The following PTPRS variants were observed in gnomAD, a reference collection of about 807,000 sequenced individuals.
PTPRS encodes the protein receptor-type tyrosine-protein phosphatase S.
In PTPRS, 63 loss-of-function variants were observed where a neutral mutation model predicts 215.3. The ratio of observed to expected loss-of-function variants is 0.29; its 90% confidence interval spans 0.24 to 0.36. The LOEUF is 0.36. Among genes scored for constraint, PTPRS ranks in the 10% least tolerant of loss-of-function variants. The pLI is 1.00. For missense variants in PTPRS, 2,258 were observed against 2,825.8 expected (o/e 0.80, Z 4.56); for synonymous variants, 1,404 against 1,191.4 (o/e 1.18, Z -3.68).
At chr19:5,332,184 G>A (rs1346253146) in intron 1 of PTPRS, among the ~76,000 whole-genome samples, 3 of 151,766 alleles carry the variant, frequency 2.0e-5, no homozygotes, top group Non-Finnish European at 2.9e-5. Context: ...TGGAGTGCAA[G>A]TGGCATGATC....
At chr19:5,220,187 T>C (rs1431927011) in intron 21 of PTPRS, 33 bp from the exon 22 acceptor site, 2 of 1,608,892 alleles carry the variant, frequency 1.2e-6, no homozygotes, top group African/African-American at 2.7e-5. Flanking sequence ...GGCTCAGAGC[T>C]CAGCTGGGAG....
intron 6 of PTPRS, 124 bp from the exon 7 acceptor site, chr19:5,260,946 C>T (rs1300956572): frequency 1.4e-5 from 16 of 1,169,304 alleles, no homozygotes; most frequent in Middle Eastern, 2.1e-4. Flanking sequence ...GGGAGGGGAT[C>T]GAGCCAGCCC....
Position 5,222,920 on chromosome 19 carries a change from G to A in PTPRS, c.2872C>T (p.Arg958Cys), listed in dbSNP as rs760578565. The change falls in exon 18 of 38, where the codon CGC (arginine) becomes TGC (cysteine). Residue 958 changes from arginine (R) to cysteine (C), a missense_variant. By Grantham distance (180) the Arg-to-Cys change is radical. This residue lies in a region of PTPRS where 361 missense variants were observed against 332.6 expected (regional missense o/e 1.09). Transcript: ENST00000262963. ...LRWLPPVPAE[R>C]NGAIVKYTVA... is the part of the protein sequence containing the mutation. ...GTGTATTTGACGATGGCCCCGTTGC[G>A]CTCGGCGGGCACGGGTGGCAGCCAG... The A allele has an allele frequency of 2.8e-5, 44 of 1,563,480 alleles. No individual in the cohort carries two copies. Among genetic ancestry groups the A allele is most frequent in the Non-Finnish European group, 3.7e-5 (43 of 1,162,132 alleles).
intron 4 of PTPRS, among the ~76,000 whole-genome samples, chr19:5,272,593 CTCAAAAAAAAAAAAAAAA>C (rs1568535521): frequency 1.9e-5 from 1 of 52,296 alleles, no homozygotes. Flanking sequence ...GCAAGACTGT[CTCAAAAAAAAAAAAAAAA>C]AAAAAAAAAA....
At chr19:5,278,250 G>A (rs750889834) in intron 2 of PTPRS, 2 of 381,334 alleles carry the variant, frequency 5.2e-6, no homozygotes, top group Non-Finnish European at 9.7e-6. Context: ...ACAGGGACTC[G>A]CTCTTCTGCC....
intron 9 of PTPRS, among the ~76,000 whole-genome samples, chr19:5,246,437 C>T (rs923791497): frequency 6.6e-6 from 1 of 152,192 alleles, no homozygotes; most frequent in African/African-American, 2.4e-5. Flanking sequence ...AGCACAGATA[C>T]GAACACAAAA....
At chr19:5,269,368 G>C (rs557694606) in intron 4 of PTPRS, among the ~76,000 whole-genome samples, 1 of 151,922 alleles carries the variant, frequency 6.6e-6, no homozygotes, top group Non-Finnish European at 1.5e-5. Context: ...CCAGTTCCTC[G>C]GAGTTTAATT....
At chr19:5,243,402 C>T (rs2044214980) in intron 11 of PTPRS, among the ~76,000 whole-genome samples, 1 of 152,214 alleles carries the variant, frequency 6.6e-6, no homozygotes, top group African/African-American at 2.4e-5. Flanking sequence ...TCCCAAAATG[C>T]TGGGGTTACA....
intron 11 of PTPRS, among the ~76,000 whole-genome samples, chr19:5,242,428 G>A (rs2044119890): frequency 6.6e-6 from 1 of 151,652 alleles, no homozygotes; most frequent in African/African-American, 2.4e-5. Context: ...CCAGGCTGGA[G>A]GGCAGTGGTG....
intron 4 of PTPRS, among the ~76,000 whole-genome samples, chr19:5,271,736 T>C (rs916043567): frequency 2.0e-5 from 3 of 150,992 alleles, no homozygotes; most frequent in African/African-American, 4.9e-5. Flanking sequence ...TTCATTCATT[T>C]ATTTTGAGAC....
chr19:5,224,297 T>C (rs2042278695), intron 17 of PTPRS, among the ~76,000 whole-genome samples: 2 of 152,074 alleles, frequency 1.3e-5, no homozygotes, highest in South Asian at 2.1e-4. Context: ...GAACGGCCCA[T>C]GCAAAGGTGT....
At chr19:5,274,590 C>G (rs1046586642) in intron 2 of PTPRS, among the ~76,000 whole-genome samples, 1 of 150,216 alleles carries the variant, frequency 6.7e-6, no homozygotes, top group African/African-American at 2.5e-5. Flanking sequence ...CACCTGCTCA[C>G]ACACAGTGGA....
chr19:5,285,827 T>G (rs2048306753), intron 2 of PTPRS, among the ~76,000 whole-genome samples: 1 of 152,182 alleles, frequency 6.6e-6, no homozygotes, highest in Non-Finnish European at 1.5e-5. Flanking sequence ...ATCATTACGG[T>G]TATTACTTTA....
intron 1 of PTPRS, among the ~76,000 whole-genome samples, chr19:5,331,819 C>A (rs2050335548): frequency 6.6e-6 from 1 of 152,188 alleles, no homozygotes; most frequent in Non-Finnish European, 1.5e-5. Context: ...TAATTTAAGT[C>A]AAGTTTATCA....
rs1185378836 is a variant in PTPRS at position 5,237,409 on chromosome 19, C to T, written c.1849+1510G>A. On this transcript the variant is annotated intron_variant, in intron 13 of 37. Transcript: ENST00000262963. This position sits in a 1 kb window ranked among gnomAD's most constrained non-coding sequence, Gnocchi z 4.2. ...CCCAACTCCCTGTCCTGGGCCGCCC[C>T]GGAGGTTCGCGTGGCTGGGCCGAAG... 1.3e-5 allele frequency among the ~76,000 whole-genome samples: 2 copies of T among 152,242 alleles called. No individual in the cohort carries two copies. The highest frequency in any genetic ancestry group is 2.4e-5 in the African/African-American group (1 of 41,470).
intron 17 of PTPRS, among the ~76,000 whole-genome samples, chr19:5,225,456 G>A (rs1024222885): frequency 2.6e-5 from 4 of 152,038 alleles, no homozygotes; most frequent in Admixed American, 2.0e-4. Context: ...AGGTTGAGAG[G>A]GCAAAGGGGT....
chr19:5,210,053 C>T lies in PTPRS; in HGVS notation c.5487+416G>A, dbSNP rs866441981. 6.6e-6 allele frequency among the ~76,000 whole-genome samples: 1 copy of T among 152,252 alleles called. No individual in the cohort carries two copies. Among genetic ancestry groups the T allele is most frequent in the Middle Eastern group, 3.4e-3 (1 of 294 alleles). ...CTGACACTGCAGTCCTTCATTGAGC[C>T]AACACCATCCATACTCATCTCTCCT... On this transcript the variant is annotated intron_variant, in intron 35 of 37. Coordinates refer to ENST00000262963, the MANE Select transcript of PTPRS (RefSeq NM_002850.4). This position sits in a 1 kb window ranked among gnomAD's most constrained non-coding sequence, Gnocchi z 4.5.
chr19:5,262,009 A>G (rs2046033162), intron 6 of PTPRS, among the ~76,000 whole-genome samples: 2 of 152,196 alleles, frequency 1.3e-5, no homozygotes, highest in South Asian at 4.1e-4. Flanking sequence ...GTGGTGGCTC[A>G]CGCCTGTAAT....
In PTPRS at chr19:5,216,928, C is replaced by T. The variant is rs547462405; in HGVS notation, c.4049-161G>A. 1.3e-4 allele frequency among the ~76,000 whole-genome samples: 20 copies of T among 152,306 alleles called. No individual in the cohort carries two copies. The South Asian group carries it at 1.9e-3, about 14-fold the overall frequency. ...ACCTGGGCCCCCACCTGAGGACTCACGATAGCTGCTAACTGTGTACCCCTC... is the reference window on the plus strand; with the variant it reads ...ACCTGGGCCCCCACCTGAGGACTCATGATAGCTGCTAACTGTGTACCCCTC... On this transcript the variant is annotated intron_variant, in intron 25 of 37. Transcript: ENST00000262963.
Sources: allele counts gnomAD v4.1 joint callset (sites outside exome capture counted in the v4.1 genomes callset), GRCh38; gene constraint gnomAD v4.1.1; regional missense constraint gnomAD v4.1.1; non-coding constraint Gnocchi (gnomAD v3.1); transcripts MANE v1.5; gene names NCBI Gene and HGNC (gene_info 2026-07-23, HGNC 2026-07-21).